Variants in RAB37 observed in about 807,000 individuals in gnomAD.
RAB37 encodes RAB37, member RAS oncogene family.
A neutral mutation model predicts 33.1 loss-of-function variants in RAB37; 29 were observed. The ratio of observed to expected loss-of-function variants is 0.88; its 90% confidence interval spans 0.65 to 1.20. The LOEUF is 1.20. Ranked by LOEUF, RAB37 falls within the 50% of genes most tolerant of loss-of-function variation. The pLI is 0.00. For synonymous variants in RAB37, 128 were observed against 119.5 expected (o/e 1.07, Z -0.47); for missense variants, 299 against 301.1 (o/e 0.99, Z 0.05).
intron 1 of RAB37, among the ~76,000 whole-genome samples, chr17:74,727,735 A>C (rs2034323078): frequency 6.6e-6 from 1 of 152,184 alleles, no homozygotes; most frequent in Non-Finnish European, 1.5e-5. Context: ...TTGGAGGGAG[A>C]TCTCCTCTGT....
chr17:74,708,713 G>A (rs1048517776), intron 1 of RAB37, among the ~76,000 whole-genome samples: 3 of 152,130 alleles, frequency 2.0e-5, no homozygotes, highest in Non-Finnish European at 2.9e-5. Flanking sequence ...TGAGGAGATC[G>A]AGACCATCCT....
chr17:74,683,426 T>C (rs1346822472), intron 1 of RAB37, among the ~76,000 whole-genome samples: 2 of 152,188 alleles, frequency 1.3e-5, no homozygotes. Context: ...TTTCCATTGC[T>C]GTGTAGGGCG....
intron 1 of RAB37, among the ~76,000 whole-genome samples, chr17:74,699,209 G>A (rs111923887): frequency 0.036 from 5,506 of 152,214 alleles, 218 homozygotes; most frequent in African/African-American, 0.092. Flanking sequence ...GAGCCACAGC[G>A]CCCGGCCTTA....
rs528632910 is a variant in RAB37 at position 74,737,796 on chromosome 17, T to C, written c.93+431T>C. Among the ~76,000 whole-genome samples the C allele has an allele frequency of 7.9e-5, 12 of 152,240 alleles. No individual in the cohort carries two copies. The South Asian group carries it at 2.5e-3, about 32-fold the overall frequency. ...GCCATTTTCCGAGCTAAGCTCTTAG[T>C]TGAGATCTGACATCCAGGTTTAAGG... is the stretch of plus-strand genomic sequence containing the variant. On this transcript the variant is annotated intron_variant, in intron 1 of 8. Transcript: ENST00000392613.
rs1406105462 is a variant in RAB37 at position 74,745,668 on chromosome 17, CA to C, written c.*263del. 5.2e-6 allele frequency: 2 copies of C among 384,930 alleles called. No homozygotes were observed. The highest frequency in any genetic ancestry group is 9.4e-6 in the Non-Finnish European group (2 of 213,624). The allele number at this position is 384,930 out of a possible 1,614,324, so 23.8% of individuals were successfully genotyped here. The stretch of plus-strand genomic sequence containing the variant: ...ATACCAAAAAAGGCGCCTGGATCCC[CA>C]AAAAACCGAGGCTGGGAGCTAGTGG... On this transcript the variant is annotated 3_prime_UTR_variant, in exon 9 of 9. Transcript: ENST00000392613. This position sits in a 1 kb window ranked among gnomAD's most constrained non-coding sequence, Gnocchi z 4.5.
chr17:74,733,827 C>G (rs1278218582), upstream of RAB37, among the ~76,000 whole-genome samples: 1 of 151,992 alleles, frequency 6.6e-6, no homozygotes, highest in Non-Finnish European at 1.5e-5. Flanking sequence ...CTTGAACACC[C>G]TACAGGACAT....
chr17:74,709,828 C>T (rs2033819425), intron 1 of RAB37, among the ~76,000 whole-genome samples: 1 of 152,152 alleles, frequency 6.6e-6, no homozygotes, highest in Admixed American at 6.6e-5. Flanking sequence ...CTGCCTTAGC[C>T]TCACAAAGTG....
chr17:74,726,167 A>G (rs766302089), intron 1 of RAB37, among the ~76,000 whole-genome samples: 3 of 151,588 alleles, frequency 2.0e-5, no homozygotes, highest in Non-Finnish European at 4.4e-5. Flanking sequence ...CTCGGGAGGC[A>G]AAGGTTATTG....
At chr17:74,686,709 G>T (rs2032062138) in intron 1 of RAB37, among the ~76,000 whole-genome samples, 1 of 152,078 alleles carries the variant, frequency 6.6e-6, no homozygotes, top group Admixed American at 6.6e-5. Context: ...AGTATTTTAA[G>T]CTGACTTACT....
chr17:74,698,660 T>C (rs902367675), intron 1 of RAB37: 11 of 1,425,062 alleles, frequency 7.7e-6, no homozygotes, highest in African/African-American at 1.4e-5. Flanking sequence ...TGAGTACACA[T>C]AGACACAAAG....
intron 1 of RAB37, among the ~76,000 whole-genome samples, chr17:74,711,846 C>T (rs2033984968): frequency 6.6e-6 from 1 of 151,686 alleles, no homozygotes; most frequent in South Asian, 2.1e-4. Flanking sequence ...GTACTTATCA[C>T]TTCTCACTTC....
At chr17:74,692,474 C>T (rs912454757) in intron 1 of RAB37, among the ~76,000 whole-genome samples, 1 of 152,090 alleles carries the variant, frequency 6.6e-6, no homozygotes, top group South Asian at 2.1e-4. Context: ...GTGTCCATAG[C>T]TGTGAGAAGT....
At position 74,704,692 on chromosome 17, in the gene RAB37, T is replaced by A. The variant is rs370878758; in HGVS notation, c.73-24564T>A. 8.1e-6 allele frequency: 13 copies of A among 1,613,982 alleles called. No individual in the cohort carries two copies. In the African/African-American group the frequency reaches 1.6e-4, roughly 20 times the overall value. ...GGATCTTGCAGTCACGCCAAATAGC[T>A]CCTCGACACCACCACTTCAAGTAGG... is the stretch of plus-strand genomic sequence containing the variant. On this transcript the variant is annotated intron_variant, in intron 1 of 7. Transcript: ENST00000340415.
In RAB37 at chr17:74,729,279, T is replaced by C; in HGVS notation, c.96T>C (p.Gly32=). 1 of 1,613,872 alleles carries C rather than the reference T, an allele frequency of 6.2e-7. No homozygotes were observed. The highest frequency in any genetic ancestry group is 8.5e-7 in the Non-Finnish European group (1 of 1,179,890). ...AGACCATCCTGGTGGGTGACAGTGG[T>C]GTGGGAAAGACGTCTCTGCTGGTTC... The change falls in exon 2 of 8, where the codon GGT becomes GGC. Residue 32 remains glycine (G), a synonymous_variant. Coordinates refer to the RAB37 transcript ENST00000340415. This position sits in a 1 kb window ranked among gnomAD's most constrained non-coding sequence, Gnocchi z 4.2.
At position 74,745,717 on chromosome 17, in the gene RAB37, G is replaced by A. The variant is rs1451792218; in HGVS notation, c.*306G>A. 3.3e-6 allele frequency: 1 copy of A among 307,524 alleles called. No homozygotes were observed. Among genetic ancestry groups the A allele is most frequent in the African/African-American group, 2.2e-5 (1 of 45,160 alleles). The allele number at this position is 307,524 out of a possible 1,614,324, so 19.0% of individuals were successfully genotyped here. On this transcript the variant is annotated 3_prime_UTR_variant, in exon 9 of 9. Transcript: ENST00000392613. The surrounding 1 kb of genome is among the most constrained non-coding windows in gnomAD (Gnocchi z 4.5). ...TGGCCCTTTTGCTTTCTAGGACTTGGGGGGCCGGCCCTCCCTCCTAAGCAT... is the reference window on the plus strand; with the variant it reads ...TGGCCCTTTTGCTTTCTAGGACTTGAGGGGCCGGCCCTCCCTCCTAAGCAT...
At chr17:74,704,232 G>A in intron 1 of RAB37, 1 of 471,308 alleles carries the variant, frequency 2.1e-6, no homozygotes, top group Non-Finnish European at 3.8e-6. Flanking sequence ...CTCAGGCACT[G>A]AGCTGTGCAG....
At chr17:74,741,479 G>A (rs778569673) in intron 2 of RAB37, among the ~76,000 whole-genome samples, 1 of 151,974 alleles carries the variant, frequency 6.6e-6, no homozygotes, top group South Asian at 2.1e-4. Context: ...CCAGCTACTC[G>A]GGAGGCTGAG....
chr17:74,728,821 TTCTGTG>T, intron 1 of RAB37, among the ~76,000 whole-genome samples: 1 of 152,098 alleles, frequency 6.6e-6, no homozygotes, highest in African/African-American at 2.4e-5. Flanking sequence ...ACATGTGTTT[TTCTGTG>T]TCTGTATGTG....
At chr17:74,684,900 G>T (rs953383598) in intron 1 of RAB37, among the ~76,000 whole-genome samples, 1 of 148,154 alleles carries the variant, frequency 6.7e-6, no homozygotes, top group Admixed American at 6.8e-5. Context: ...TAGATAGATA[G>T]ATCCATCATA....
Sources: gnomAD v4.1 joint callset for allele counts (sites outside exome capture counted in the v4.1 genomes callset) on GRCh38, gnomAD v4.1.1 for gene constraint, Gnocchi (gnomAD v3.1) non-coding constraint, MANE v1.5 for transcripts, NCBI Gene and HGNC (gene_info 2026-07-23, HGNC 2026-07-21) for gene names.